The following GTPBP4 variants were observed in gnomAD, a reference collection of about 807,000 sequenced individuals.
GTPBP4 encodes GTP-binding protein 4.
GTPBP4 carries 15 observed loss-of-function variants against 81.7 expected under a neutral mutation model. The ratio of observed to expected loss-of-function variants is 0.18; its 90% CI spans 0.12 to 0.28. The LOEUF (loss-of-function observed/expected upper bound fraction) is 0.28, where lower values mean the gene tolerates loss of function less well. Among genes scored for constraint, GTPBP4 ranks in the 10% least tolerant of loss-of-function variants. The pLI is 1.00. For missense variants in GTPBP4, 847 were observed against 793.8 expected (o/e 1.07, Z -0.81); for synonymous variants, 272 against 274.6 (o/e 0.99, Z 0.09).
chr10:1,014,616 G>A (rs1318343928), intron 15 of GTPBP4, among the ~76,000 whole-genome samples: 5 of 152,184 alleles, frequency 3.3e-5, no homozygotes, highest in African/African-American at 1.2e-4. Context: ...CTGAGATCGT[G>A]CCCCTGTACT....
chr10:989,932 T>G (rs1368391882), intron 1 of GTPBP4, among the ~76,000 whole-genome samples: 2 of 152,156 alleles, frequency 1.3e-5, no homozygotes, highest in Non-Finnish European at 2.9e-5. Context: ...AAGTGGAGTT[T>G]CACCATGTTG....
Position 1,015,809 on chromosome 10 carries a change from G to A in GTPBP4, c.1665G>A (p.Arg555=). The A allele has an allele frequency of 1.2e-6, 2 of 1,614,102 alleles. No individual in the cohort carries two copies. The highest frequency in any genetic ancestry group is 1.7e-6 in the Non-Finnish European group (2 of 1,179,918). Residue 555 remains arginine, a synonymous_variant, in exon 16 of 17, where the codon CGG becomes CGA. Transcript: ENST00000360803. ...RSRSITRKRK[R]EDSAPPSSVA... ...GGAGCATCACTAGGAAAAGAAAGCG[G>A]GAAGACTCTGCTCCCCCGTCCTCTG...
At position 1,007,023 on chromosome 10, in the gene GTPBP4, C is replaced by T. The variant is rs767893119; in HGVS notation, c.1008C>T (p.Cys336=). ...CTTCTTTTTTACGTTATTAGGCTTG[C>T]GATAGGCTTTTGGCTCATCGAGTGG... ...EGVIKVKTEA[C]DRLLAHRVET... The change falls in exon 10 of 17, where the codon TGC becomes TGT. Residue 336 remains cysteine (C), a synonymous_variant. Coordinates refer to ENST00000360803, the MANE Select transcript of GTPBP4 (RefSeq NM_012341.3). The T allele has an allele frequency of 2.9e-5, 47 of 1,602,274 alleles. No homozygotes were observed. Among genetic ancestry groups the T allele is most frequent in the East Asian group, 8.9e-5 (4 of 44,852 alleles).
rs1205120876 is a variant in GTPBP4, at chr10:995,953, T to G, written c.244T>G (p.Leu82Val). 2.5e-6 allele frequency: 4 copies of G among 1,608,924 alleles called. No individual in the cohort carries two copies. The highest frequency in any genetic ancestry group is 1.1e-5 in the South Asian group (1 of 90,932). Residue 82 changes from leucine to valine, a missense_variant, in exon 3 of 17, where the codon TTG (leucine) becomes GTG (valine). Physicochemically the swap from Leu to Val is conservative, Grantham distance 32. Around this residue, in one of 3 missense-constraint regions of GTPBP4, gnomAD observed 241 missense variants for 216.3 expected, o/e 1.11. Coordinates refer to ENST00000360803, the MANE Select transcript of GTPBP4 (RefSeq NM_012341.3). ...GGATATTCATCCGTTCTATGCTGAT[T>G]TGATGAATATTCTCTACGACAAGGA... Reference protein sequence around the residue: ...LDDIHPFYADLMNILYDKDHY... With the variant: ...LDDIHPFYADVMNILYDKDHY...
At position 1,010,517 on chromosome 10, in the gene GTPBP4, G is replaced by C; in HGVS notation, c.1341G>C (p.Met447Ile). Residue 447 changes from methionine (M) to isoleucine (I), a missense_variant, in exon 13 of 17, where the codon ATG (methionine) becomes ATC (isoleucine). By Grantham distance (10) the Met-to-Ile change is conservative. Transcript: ENST00000360803. ...NIADYIDPAI[M>I]KKLEELEKEE... is the part of the protein sequence containing the mutation. ...CTGATTATATTGATCCAGCCATCAT[G>C]AAGGTTTGTGTCACTTTTTAAATTG... The C allele has an allele frequency of 1.4e-6, 2 of 1,467,392 alleles. No individual in the cohort carries two copies. The highest frequency in any genetic ancestry group is 1.9e-6 in the Non-Finnish European group (2 of 1,046,046). 90.9% of individuals were successfully genotyped at this position (1,467,392 alleles called of 1,614,324 possible).
In GTPBP4 at chr10:1,017,123, A is replaced by C; in HGVS notation, c.1801A>C (p.Asn601His). The C allele has an allele frequency of 1.9e-6, 3 of 1,613,936 alleles. No individual in the cohort carries two copies. The highest frequency in any genetic ancestry group is 2.5e-6 in the Non-Finnish European group (3 of 1,179,782). ...GATGAAGAATGCTCAGAAGAAGATG[A>C]ATCGGTTGGGGAAGAAAGGGGAGGC... is the stretch of plus-strand genomic sequence containing the variant. ...TMMKNAQKKM[N>H]RLGKKGEADR... The change falls in exon 17 of 17, where the codon AAT becomes CAT. Residue 601 changes from asparagine (N) to histidine (H), a missense_variant. Around this residue, in one of 3 missense-constraint regions of GTPBP4, gnomAD observed 600 missense variants for 557.1 expected, o/e 1.08. Transcript: ENST00000360803.
At chr10:990,285 TA>T (rs879438760) in intron 1 of GTPBP4, among the ~76,000 whole-genome samples, 117 of 146,046 alleles carry the variant, frequency 8.0e-4, no homozygotes, top group Admixed American at 9.6e-4. Context: ...TGATTGGAAG[TA>T]AAAAAAAAAA....
In GTPBP4 at chr10:1,019,151, A is replaced by T. The variant is rs1407775770; in HGVS notation, c.*1924A>T. The T allele has an allele frequency of 5.2e-6, 1 of 192,314 alleles. No individual in the cohort carries two copies. Among genetic ancestry groups the T allele is most frequent in the East Asian group, 1.4e-4 (1 of 7,346 alleles). The allele number at this position is 192,314 out of a possible 1,614,324, so 11.9% of individuals were successfully genotyped here. Reference sequence around the variant, plus strand: ...CATCCTGACCTTGGAGGCTTGGATAAAGCTGTGGGGAGACAGCCTCATGGT... The same window carrying T: ...CATCCTGACCTTGGAGGCTTGGATATAGCTGTGGGGAGACAGCCTCATGGT... On this transcript the variant is annotated 3_prime_UTR_variant, in exon 17 of 17. Transcript: ENST00000360803.
intron 8 of GTPBP4, 40 bp downstream of exon 8, chr10:1,001,053 A>G (rs761645545): frequency 1.4e-6 from 2 of 1,388,694 alleles, no homozygotes; most frequent in South Asian, 2.3e-5. Flanking sequence ...TTACTTACCA[A>G]TTCTGAATTC....
chr10:1,010,835 C>CCCCCACCCTG (rs1831843844), intron 13 of GTPBP4, among the ~76,000 whole-genome samples: 1 of 71,450 alleles, frequency 1.4e-5, no homozygotes, highest in Non-Finnish European at 2.7e-5. Flanking sequence ...CACCTCTTCC[C>CCCCCACCCTG]TGTCCCGACA....
intron 13 of GTPBP4, among the ~76,000 whole-genome samples, chr10:1,011,722 G>A (rs1358766477): frequency 6.6e-6 from 1 of 152,214 alleles, no homozygotes; most frequent in East Asian, 1.9e-4. Context: ...CAATTTCGTT[G>A]GTGCTGGAGG....
At chr10:1,006,944 C>T (rs1383894066) in intron 9 of GTPBP4, 74 bp from the exon 10 acceptor site, 1 of 893,798 alleles carries the variant, frequency 1.1e-6, no homozygotes. Flanking sequence ...TGATCTGTGG[C>T]TCCTCCTGGA....
At chr10:997,036 C>T (rs780173645) in intron 4 of GTPBP4, 172 bp from the exon 5 acceptor site, 170 of 607,388 alleles carry the variant, frequency 2.8e-4, no homozygotes, top group Non-Finnish European at 4.3e-4. Flanking sequence ...ATTGAATATA[C>T]TATGTGTATA....
chr10:1,009,557 A>C lies in GTPBP4; in HGVS notation c.1220A>C (p.Asp407Ala). The change falls in exon 12 of 17, where the codon GAT becomes GCT. Residue 407 changes from aspartate (D) to alanine (A), a missense_variant. Asp to Ala is a moderately radical substitution (Grantham distance 126). This residue lies in a region of GTPBP4 where 600 missense variants were observed against 557.1 expected (regional missense o/e 1.08). Coordinates refer to ENST00000360803, the MANE Select transcript of GTPBP4 (RefSeq NM_012341.3). ...RERDLELEMG[D>A]DYILDLQKYW... ...CGAGATCTTGAGCTGGAAATGGGAGATGATTATATTTTGGATCTTCAGAGT... is the reference window on the plus strand; with the variant it reads ...CGAGATCTTGAGCTGGAAATGGGAGCTGATTATATTTTGGATCTTCAGAGT... The C allele has an allele frequency of 1.9e-6, 3 of 1,601,332 alleles. No individual in the cohort carries two copies. Among genetic ancestry groups the C allele is most frequent in the Non-Finnish European group, 2.6e-6 (3 of 1,168,358 alleles).
Position 1,000,772 on chromosome 10 carries a change from G to A in GTPBP4, c.750G>A (p.Ala250=), listed in dbSNP as rs2306409. ...CTGCCCTGGCCCACCTCCGTGCTGCGGTCCTGTATGTGATGGATTTGTCTG... is the reference window on the plus strand; with the variant it reads ...CTGCCCTGGCCCACCTCCGTGCTGCAGTCCTGTATGTGATGGATTTGTCTG... The part of the protein sequence containing the change: ...AITALAHLRA[A]VLYVMDLSEQ... Residue 250 remains alanine, a synonymous_variant, in exon 7 of 17, where the codon GCG becomes GCA. Coordinates refer to ENST00000360803, the MANE Select transcript of GTPBP4 (RefSeq NM_012341.3). 0.53 allele frequency: 853,896 copies of A among 1,607,090 alleles called. 228,395 individuals are homozygous for A. The highest frequency in any genetic ancestry group is 0.62 in the East Asian group (27,634 of 44,718).
At chr10:999,878 G>C (rs1831594120) in intron 6 of GTPBP4, among the ~76,000 whole-genome samples, 1 of 152,126 alleles carries the variant, frequency 6.6e-6, no homozygotes, top group Admixed American at 6.5e-5. Flanking sequence ...AGAATCGCTT[G>C]AACCCAGAAG....
chr10:1,008,973 A>G lies in GTPBP4; in HGVS notation c.1129A>G (p.Ile377Val), dbSNP rs1831801494. Residue 377 changes from isoleucine to valine, a missense_variant, in exon 11 of 17, where the codon ATC becomes GTC. By Grantham distance (29) the Ile-to-Val change is conservative. This residue lies in a region of GTPBP4 where 600 missense variants were observed against 557.1 expected (regional missense o/e 1.08). Transcript: ENST00000360803. ...RRDDKERPPF[I>V]PEGVVARRKR... Reference sequence around the variant, plus strand: ...ATCTTCTCAGGAGAGGCCCCCTTTCATCCCTGAAGGAGTGGTGGCTCGCAG... The same window carrying G: ...ATCTTCTCAGGAGAGGCCCCCTTTCGTCCCTGAAGGAGTGGTGGCTCGCAG... 6.2e-7 allele frequency: 1 copy of G among 1,610,928 alleles called. No homozygotes were observed. Among genetic ancestry groups the G allele is most frequent in the African/African-American group, 1.3e-5 (1 of 74,858 alleles).
rs1167982393 is a variant in GTPBP4, at chr10:996,029, A to T, written c.320A>T (p.Asp107Val). 3 of 1,599,064 alleles carry T rather than the reference A, an allele frequency of 1.9e-6. No individual in the cohort carries two copies. The highest frequency in any genetic ancestry group is 2.6e-6 in the Non-Finnish European group (3 of 1,166,472). ...GQINIAKNLVDNVAKDYVRLM... is the reference protein window; with the variant it reads ...GQINIAKNLVVNVAKDYVRLM... ...ATAAATATTGCCAAAAATTTAGTGG[A>T]CAAGTAAGGTACTTTTTTCTGTAGT... Residue 107 changes from aspartate to valine, a missense_variant, in exon 3 of 17, where the codon GAC becomes GTC. Around this residue, in one of 3 missense-constraint regions of GTPBP4, gnomAD observed 241 missense variants for 216.3 expected, o/e 1.11. Transcript: ENST00000360803.
At chr10:1,007,289 G>A in intron 10 of GTPBP4, 161 bp downstream of exon 10, 1 of 579,130 alleles carries the variant, frequency 1.7e-6, no homozygotes. Context: ...GATCGAGAAG[G>A]TGAAGAAAGT....
Sources: gnomAD v4.1 joint callset for allele counts (sites outside exome capture counted in the v4.1 genomes callset) on GRCh38, gnomAD v4.1.1 for gene constraint, gnomAD v4.1.1 regional missense constraint, MANE v1.5 for transcripts, NCBI Gene and HGNC (gene_info 2026-07-23, HGNC 2026-07-21) for gene names.